The following ACACA variants were observed in gnomAD, a reference collection of about 807,000 sequenced individuals.
ACACA encodes acetyl-CoA carboxylase 1.
Under a neutral mutation model 296.1 loss-of-function variants are expected in ACACA, and 103 were observed. That is an observed-to-expected ratio of 0.35 (90% CI 0.30 to 0.41). The LOEUF (loss-of-function observed/expected upper bound fraction) is 0.41, where lower values mean the gene tolerates loss of function less well. Ranked by LOEUF, ACACA falls within the 10% of genes least tolerant of loss-of-function variation. ACACA has a pLI of 1.00. For synonymous variants in ACACA, 953 were observed against 1,038.6 expected, an observed-to-expected ratio of 0.92 and a Z score of 1.58; for missense variants, 1,554 against 2,989.7, an observed-to-expected ratio of 0.52 and a Z score of 11.20.
chr17:37,251,186 T>C (rs916962037), intron 16 of ACACA, among the ~76,000 whole-genome samples: 11 of 151,998 alleles, frequency 7.2e-5, no homozygotes, highest in African/African-American at 2.7e-4. Context: ...AGAACAGAAA[T>C]AAATAAGACT....
At chr17:37,224,955 G>A (rs761590868) in intron 27 of ACACA, 37 bp downstream of exon 27, 2 of 957,760 alleles carry the variant, frequency 2.1e-6, no homozygotes, top group Admixed American at 5.1e-5. Context: ...GTCCAGATAG[G>A]CAGGAAAGGG....
chr17:37,214,476 T>C (rs1293775014), intron 29 of ACACA, among the ~76,000 whole-genome samples: 2 of 152,346 alleles, frequency 1.3e-5, no homozygotes, highest in East Asian at 1.9e-4. Context: ...TTGCCTGCTA[T>C]ATAATTAGCT....
chr17:37,087,417 C>T lies in ACACA; in HGVS notation c.7051G>A (p.Val2351Ile), dbSNP rs1043827135. 1.1e-5 allele frequency: 17 copies of T among 1,613,862 alleles called. No individual in the cohort carries two copies. The highest frequency in any genetic ancestry group is 1.6e-4 in the Middle Eastern group (1 of 6,084). Residue 2351 changes from valine to isoleucine, a missense_variant, in exon 56 of 56, where the codon GTT becomes ATT. Coordinates refer to ENST00000616317, the MANE Select transcript of ACACA (RefSeq NM_198834.3). ...ATATGGATGATGGAATCCATGGCAA[C>T]CTCTGGATTGGCCTGGACCAAGCTG... The part of the protein sequence containing the change: ...IRSLVQANPE[V>I]AMDSIIHMTQ...
At chr17:37,379,077 A>C (rs2050130598) in intron 1 of ACACA, 1 of 1,538,534 alleles carries the variant, frequency 6.5e-7, no homozygotes, top group Admixed American at 2.1e-5. Flanking sequence ...GTCTCAAAAA[A>C]ACCAACCAAA....
chr17:37,275,635 C>G (rs987707053), intron 8 of ACACA, among the ~76,000 whole-genome samples: 1 of 152,146 alleles, frequency 6.6e-6, no homozygotes, highest in African/African-American at 2.4e-5. Flanking sequence ...GGGAAGCCCA[C>G]CTCTGAGGAA....
chr17:37,207,701 C>A lies in ACACA; in HGVS notation c.3807G>T (p.Arg1269=), dbSNP rs928435403. ...LDNSFTPPCQ[R]MGGMVSFRTF... ...TCCGAAAAGAGACCATTCCGCCCAT[C>A]CGCTGACAAGGTGGAGTGAATGAGT... The change falls in exon 31 of 56, where the codon CGG becomes CGT. Residue 1269 remains arginine, a synonymous_variant. Coordinates refer to ENST00000616317, the MANE Select transcript of ACACA (RefSeq NM_198834.3). 1.9e-6 allele frequency: 3 copies of A among 1,613,952 alleles called. No homozygotes were observed. The highest frequency in any genetic ancestry group is 2.5e-6 in the Non-Finnish European group (3 of 1,179,956).
At chr17:37,325,650 C>A (rs572858714) in intron 3 of ACACA, among the ~76,000 whole-genome samples, 1 of 140,210 alleles carries the variant, frequency 7.1e-6, no homozygotes. Flanking sequence ...CTCGGCTCAC[C>A]GCAACCTCTG....
In ACACA at chr17:37,195,204, C is replaced by T. The variant is rs143563587; in HGVS notation, c.4159-1789G>A. Among the ~76,000 whole-genome samples, 275 of 152,182 alleles carry T rather than the reference C, an allele frequency of 1.8e-3. 2 individuals are homozygous for T. The highest frequency in any genetic ancestry group is 5.9e-3 in the African/African-American group (247 of 41,528). On this transcript the variant is annotated intron_variant, in intron 35 of 55. Coordinates refer to ENST00000616317, the MANE Select transcript of ACACA (RefSeq NM_198834.3). Reference sequence around the variant, plus strand: ...ATTTTACGCACACACTTTTCTATTCCGCCTTAACTATTATTAGCTAATTAA... The same window carrying T: ...ATTTTACGCACACACTTTTCTATTCTGCCTTAACTATTATTAGCTAATTAA...
intron 34 of ACACA, 68 bp from the exon 35 acceptor site, chr17:37,200,251 G>T (rs887493963): frequency 1.7e-5 from 24 of 1,444,390 alleles, no homozygotes; most frequent in Non-Finnish European, 2.2e-5. Context: ...AAATCAAAAA[G>T]AAATTGAGTA....
intron 54 of ACACA, among the ~76,000 whole-genome samples, chr17:37,089,711 G>A (rs895349912): frequency 6.6e-6 from 1 of 152,100 alleles, no homozygotes; most frequent in Non-Finnish European, 1.5e-5. Flanking sequence ...GGATCAAGAC[G>A]TCCATAACCC....
intron 50 of ACACA, among the ~76,000 whole-genome samples, chr17:37,117,961 T>C (rs2074338453): frequency 1.3e-5 from 2 of 152,140 alleles, no homozygotes; most frequent in Non-Finnish European, 2.9e-5. Context: ...TTTCCCTCCC[T>C]GCATAATCCC....
rs1555672373 is a variant in ACACA, at chr17:37,390,330, A to ATATCTATATATC, written c.38+15931_38+15932insGATATATAGATA. 9.6e-3 allele frequency among the ~76,000 whole-genome samples: 398 copies of ATATCTATATATC among 41,578 alleles called. 54 individuals carry two copies. Among genetic ancestry groups the ATATCTATATATC allele is most frequent in the East Asian group, 0.042 (26 of 612 alleles). The allele number at this position is 41,578 out of a possible 152,430, so 27.3% of individuals were successfully genotyped here. On this transcript the variant is annotated intron_variant, in intron 1 of 55. Transcript: ENST00000616317. ...TATATATATATATATATATATATAT[A>ATATCTATATATC]TATAAAAGGCCAGCTGGGCCGGGCA...
Position 37,390,333 on chromosome 17 carries a change from T to A in ACACA, c.38+15929A>T, listed in dbSNP as rs1471008876. Among the ~76,000 whole-genome samples the A allele has an allele frequency of 1.7e-3, 153 of 92,140 alleles. 1 individual carries two copies. Among genetic ancestry groups the A allele is most frequent in the Middle Eastern group, 4.7e-3 (1 of 214 alleles). 60.4% of individuals were successfully genotyped at this position (92,140 alleles called of 152,430 possible). A position where few individuals can be genotyped will look rare whatever the true frequency, so the allele number is the denominator to read the frequency against. On this transcript the variant is annotated intron_variant, in intron 1 of 55. Transcript: ENST00000616317. ...ATATATATATATATATATATATATA[T>A]AAAAGGCCAGCTGGGCCGGGCACGG...
intron 49 of ACACA, 151 bp downstream of exon 49, chr17:37,122,380 A>G: frequency 1.3e-6 from 1 of 754,164 alleles, no homozygotes; most frequent in South Asian, 1.4e-5. Context: ...ACTCACCTTA[A>G]AAGTGAGCAC....
At chr17:37,356,117 G>C (rs919297372) in intron 1 of ACACA, among the ~76,000 whole-genome samples, 2 of 151,754 alleles carry the variant, frequency 1.3e-5, no homozygotes, top group African/African-American at 4.8e-5. Context: ...GCAGTGAGCC[G>C]AGATCGTGCC....
chr17:37,109,726 G>A (rs773829393), intron 52 of ACACA, among the ~76,000 whole-genome samples: 5 of 152,136 alleles, frequency 3.3e-5, no homozygotes, highest in Admixed American at 6.5e-5. Flanking sequence ...AGGTGGGAGC[G>A]ACATCACTTT....
chr17:37,196,152 T>C (rs1275265540), intron 35 of ACACA, among the ~76,000 whole-genome samples: 2 of 152,030 alleles, frequency 1.3e-5, no homozygotes, highest in African/African-American at 2.4e-5. Context: ...ATGAAGAAAT[T>C]GGGAGCTTGC....
In ACACA at chr17:37,252,042, G is replaced by A. The variant is rs1318130518; in HGVS notation, c.2044C>T (p.Arg682Trp). The A allele has an allele frequency of 7.4e-6, 12 of 1,614,054 alleles. No individual in the cohort carries two copies. Among genetic ancestry groups the A allele is most frequent in the East Asian group, 4.5e-5 (2 of 44,896 alleles). ...GALHVADVSL[R>W]NSVSNFLHSL... ...TGAAGGAAGTTAGAGACGCTATTCC[G>A]CAGGCTCACATCTGCCACGTGGAGG... Residue 682 changes from arginine to tryptophan, a missense_variant, in exon 16 of 56, where the codon CGG becomes TGG. Physicochemically the swap from Arg to Trp is moderately radical, Grantham distance 101 (BLOSUM62 -3). Around this residue, in one of 16 missense-constraint regions of ACACA, gnomAD observed 316 missense variants for 540.9 expected, o/e 0.58. Coordinates refer to ENST00000616317, the MANE Select transcript of ACACA (RefSeq NM_198834.3).
At chr17:37,173,820 CT>C (rs1226261944) in intron 41 of ACACA, among the ~76,000 whole-genome samples, 47 of 139,776 alleles carry the variant, frequency 3.4e-4, no homozygotes, top group African/African-American at 5.0e-4. Flanking sequence ...GGCAGCTAGT[CT>C]TTTTTTTTTT....
Sources: gnomAD v4.1 joint callset for allele counts (sites outside exome capture counted in the v4.1 genomes callset) on GRCh38, gnomAD v4.1.1 for gene constraint, gnomAD v4.1.1 regional missense constraint, MANE v1.5 for transcripts, NCBI Gene and HGNC (gene_info 2026-07-23, HGNC 2026-07-21) for gene names.